The following PKHD1 variants were observed in gnomAD, a reference collection of about 807,000 sequenced individuals.
PKHD1 encodes PKHD1 ciliary IPT domain containing fibrocystin/polyductin.
PKHD1 carries 291 observed loss-of-function variants against 412.0 expected under a neutral mutation model. That is an observed-to-expected ratio of 0.71 (90% CI 0.64 to 0.78). The LOEUF (loss-of-function observed/expected upper bound fraction) is 0.78, where lower values mean the gene tolerates loss of function less well. Ranked by LOEUF, PKHD1 falls within the 30% of genes least tolerant of loss-of-function variation. The pLI is 0.00. For synonymous variants in PKHD1, 1,777 were observed against 1,821.5 expected (o/e 0.98, Z 0.62); for missense variants, 4,825 against 4,950.7 (o/e 0.97, Z 0.76).
Position 51,856,067 on chromosome 6 carries a change from C to G in PKHD1, c.7737G>C (p.Ala2579=). The G allele has an allele frequency of 6.3e-7, 1 of 1,592,868 alleles. No homozygotes were observed. The highest frequency in any genetic ancestry group is 8.6e-7 in the Non-Finnish European group (1 of 1,161,442). Residue 2579 remains alanine (A), a synonymous_variant, in exon 49 of 67, where the codon GCG becomes GCC. Coordinates refer to ENST00000371117, the MANE Select transcript of PKHD1 (RefSeq NM_138694.4). ...AATCATAAGAAACTTCAGGAGTATTCGCTCTAAGGTGATTTTAAAAGGAAA... is the reference window on the plus strand; with the variant it reads ...AATCATAAGAAACTTCAGGAGTATTGGCTCTAAGGTGATTTTAAAAGGAAA... ...VLFHRMSIGL[A]NTPEVSYDLT... is the part of the protein sequence containing the mutation.
At position 51,659,714 on chromosome 6, in the gene PKHD1, A is replaced by G; in HGVS notation, c.10412T>C (p.Val3471Ala). Residue 3471 changes from valine to alanine, a missense_variant, in exon 61 of 67, where the codon GTC becomes GCC. Transcript: ENST00000371117. ...SILPIRQITK[V>A]CFMDQTPQVL... ...TTGAGGAGTTTGATCCATGAAGCAG[A>G]CTTTGGTGATTTGCCTGATGGGTAA... 1 of 1,613,860 alleles carries G rather than the reference A, an allele frequency of 6.2e-7. No individual in the cohort carries two copies. Among genetic ancestry groups the G allele is most frequent in the Non-Finnish European group, 8.5e-7 (1 of 1,179,874 alleles).
intron 37 of PKHD1, among the ~76,000 whole-genome samples, chr6:51,915,970 A>G (rs952224723): frequency 6.6e-6 from 1 of 152,120 alleles, no homozygotes. Flanking sequence ...AAATATCCAC[A>G]GGCTGAGCAG....
chr6:52,028,944 G>A (rs1394704745), intron 29 of PKHD1, among the ~76,000 whole-genome samples: 2 of 152,190 alleles, frequency 1.3e-5, no homozygotes, highest in African/African-American at 4.8e-5. Context: ...CAGAGCTAAC[G>A]GTCTTTATAA....
chr6:52,034,465 A>G (rs1448514849), intron 28 of PKHD1, among the ~76,000 whole-genome samples: 1 of 152,108 alleles, frequency 6.6e-6, no homozygotes, highest in Admixed American at 6.5e-5. Context: ...TGGTAAAAGA[A>G]ATTAAGAGGT....
intron 53 of PKHD1, among the ~76,000 whole-genome samples, chr6:51,777,233 C>G (rs1460949150): frequency 1.3e-5 from 2 of 152,050 alleles, no homozygotes; most frequent in African/African-American, 4.8e-5. Flanking sequence ...AAAATCATCC[C>G]CCCTTGCTGA....
At chr6:51,835,460 T>A (rs1769038545) in intron 51 of PKHD1, among the ~76,000 whole-genome samples, 1 of 152,170 alleles carries the variant, frequency 6.6e-6, no homozygotes, top group Non-Finnish European at 1.5e-5. Flanking sequence ...TTGACTGACA[T>A]CCCCAAGAGA....
At chr6:51,716,652 C>T (rs1419061651) in intron 60 of PKHD1, among the ~76,000 whole-genome samples, 1 of 151,946 alleles carries the variant, frequency 6.6e-6, no homozygotes, top group African/African-American at 2.4e-5. Flanking sequence ...TGAGTTCCAG[C>T]CAGTCATATT....
chr6:52,035,826 T>TTGTTTTGACTA, intron 27 of PKHD1, 105 bp from the exon 28 acceptor site: 1 of 1,165,024 alleles, frequency 8.6e-7, no homozygotes, highest in Non-Finnish European at 1.3e-6. Flanking sequence ...TGAAACTCCT[T>TTGTTTTGACTA]AGTCAAAACA....
At position 51,847,779 on chromosome 6, in the gene PKHD1, A is replaced by G. The variant is rs1003329697; in HGVS notation, c.8103T>C (p.Tyr2701=). 1 of 1,605,976 alleles carries G rather than the reference A, an allele frequency of 6.2e-7. No individual in the cohort carries two copies. Among genetic ancestry groups the G allele is most frequent in the African/African-American group, 1.3e-5 (1 of 74,784 alleles). The change falls in exon 50 of 67, where the codon TAT becomes TAC. Residue 2701 remains tyrosine (Y), a synonymous_variant. Transcript: ENST00000371117. ...FFNSQLRQLT[Y]LVSGEGQVQV... ...TTCATCCAATTGGATACTTACCCAG[A>G]TAGGTGAGTTGCCTCAGCTGGCTAT...
At chr6:51,945,557 T>C (rs1789330220) in intron 36 of PKHD1, among the ~76,000 whole-genome samples, 1 of 152,254 alleles carries the variant, frequency 6.6e-6, no homozygotes, top group Non-Finnish European at 1.5e-5. Flanking sequence ...CATGTTTTCC[T>C]GACACTGCCT....
intron 35 of PKHD1, among the ~76,000 whole-genome samples, chr6:51,990,910 C>T (rs1016609531): frequency 3.3e-5 from 5 of 152,162 alleles, no homozygotes; most frequent in Non-Finnish European, 4.4e-5. Context: ...TTGAAGCATC[C>T]GTTTCCTTAT....
chr6:51,756,323 G>A (rs1259257570), intron 55 of PKHD1, among the ~76,000 whole-genome samples: 4 of 152,100 alleles, frequency 2.6e-5, no homozygotes, highest in Non-Finnish European at 5.9e-5. Flanking sequence ...ATAACAAAAT[G>A]TAAGACTAGA....
chr6:51,721,019 T>C (rs544941023), intron 60 of PKHD1: 2 of 982,224 alleles, frequency 2.0e-6, no homozygotes, highest in African/African-American at 3.5e-5. Context: ...AATGATAACA[T>C]GGGTAAGGGA....
At chr6:51,867,731 TC>T in intron 48 of PKHD1, 131 bp downstream of exon 48, 1 of 835,848 alleles carries the variant, frequency 1.2e-6, no homozygotes, top group Non-Finnish European at 1.9e-6. Context: ...TCAAAATTAT[TC>T]CCATTTCACT....
intron 53 of PKHD1, among the ~76,000 whole-genome samples, chr6:51,783,480 A>G (rs1054757655): frequency 1.3e-5 from 2 of 151,448 alleles, no homozygotes; most frequent in Non-Finnish European, 2.9e-5. Context: ...AAATATTAAA[A>G]GAAGATTTTT....
Position 51,704,549 on chromosome 6 carries a change from G to A in PKHD1, c.10156+39836C>T, listed in dbSNP as rs145851900. ...GGTAAAAGCTCACACCAAAGCAGTA[G>A]CAAGAAAATTAAGAAGAAAGGATGG... On this transcript the variant is annotated intron_variant, in intron 60 of 66. Coordinates refer to ENST00000371117, the MANE Select transcript of PKHD1 (RefSeq NM_138694.4). Among the ~76,000 whole-genome samples, 4 of 152,214 alleles carry A rather than the reference G, an allele frequency of 2.6e-5. No homozygotes were observed. In the East Asian group the frequency reaches 7.7e-4, roughly 29 times the overall value.
intron 65 of PKHD1, among the ~76,000 whole-genome samples, chr6:51,629,114 G>GA (rs1219806770): frequency 6.6e-6 from 1 of 151,950 alleles, no homozygotes; most frequent in Non-Finnish European, 1.5e-5. Flanking sequence ...AAAAACCGTA[G>GA]AAAAAAACCT....
rs190193712 is a variant in PKHD1 at position 51,690,631 on chromosome 6, G to T, written c.10157-30662C>A. On this transcript the variant is annotated intron_variant, in intron 60 of 66. Coordinates refer to ENST00000371117, the MANE Select transcript of PKHD1 (RefSeq NM_138694.4). ...TAGCAACAGGCAGAAGATTAAAACT[G>T]GACCCCTTCCTTCACCATATACGAA... Among the ~76,000 whole-genome samples, 10 of 152,202 alleles carry T rather than the reference G, an allele frequency of 6.6e-5. No homozygotes were observed. The East Asian group carries it at 7.7e-4, about 12-fold the overall frequency.
intron 65 of PKHD1, among the ~76,000 whole-genome samples, chr6:51,628,946 C>A: frequency 6.6e-6 from 1 of 152,120 alleles, no homozygotes; most frequent in East Asian, 1.9e-4. Flanking sequence ...ACAAAGCCAA[C>A]AATAACAAGC....
Sources: gnomAD v4.1 joint callset for allele counts (sites outside exome capture counted in the v4.1 genomes callset) on GRCh38, gnomAD v4.1.1 for gene constraint, MANE v1.5 for transcripts, NCBI Gene and HGNC (gene_info 2026-07-23, HGNC 2026-07-21) for gene names.